The following AFG2A variants were observed in gnomAD, a reference collection of about 807,000 sequenced individuals.
The protein encoded by AFG2A is AAA ATPase AFG2A.
At chr4:123,128,436 T>C in the AFG2A span, among the ~76,000 whole-genome samples, 1 of 152,168 alleles carries the variant, frequency 6.6e-6, no homozygotes, top group Non-Finnish European at 1.5e-5. Flanking sequence ...AGGCTTTTGG[T>C]AATTCTCTAC....
At chr4:123,256,763 C>G in the AFG2A span, 1 of 985,290 alleles carries the variant, frequency 1.0e-6, no homozygotes, top group South Asian at 4.7e-5. Flanking sequence ...ACAGCAAGAC[C>G]TCTGTGAAAA....
chr4:123,075,684 A>G, the AFG2A span, among the ~76,000 whole-genome samples: 3 of 150,080 alleles, frequency 2.0e-5, no homozygotes, highest in African/African-American at 7.3e-5. Context: ...CTGGCCGGGC[A>G]TGGTGGCTCA....
the AFG2A span, among the ~76,000 whole-genome samples, chr4:123,025,664 G>A: frequency 6.6e-6 from 1 of 152,066 alleles, no homozygotes. Flanking sequence ...TGTCGGTTTT[G>A]TAGACCTTTG....
the AFG2A span, among the ~76,000 whole-genome samples, chr4:123,248,183 T>G: frequency 6.6e-6 from 1 of 152,198 alleles, no homozygotes; most frequent in Non-Finnish European, 1.5e-5. Context: ...TGTTTTCTGA[T>G]GCCTGTTCAG....
chr4:123,056,097 C>G, the AFG2A span, among the ~76,000 whole-genome samples: 1 of 152,242 alleles, frequency 6.6e-6, no homozygotes, highest in Admixed American at 6.5e-5. Context: ...AGCACCACAT[C>G]TGATATAGTG....
chr4:123,175,251 G>A, the AFG2A span, among the ~76,000 whole-genome samples: 1 of 152,108 alleles, frequency 6.6e-6, no homozygotes, highest in Non-Finnish European at 1.5e-5. Flanking sequence ...GATATCTGCA[G>A]TGTCATAAGC....
the AFG2A span, among the ~76,000 whole-genome samples, chr4:122,968,054 C>G: frequency 1.3e-5 from 2 of 151,912 alleles, no homozygotes; most frequent in Non-Finnish European, 2.9e-5. Context: ...CAGATAATTT[C>G]CATGTAACTT....
the AFG2A span, among the ~76,000 whole-genome samples, chr4:123,191,656 C>A: frequency 2.0e-5 from 3 of 151,988 alleles, no homozygotes; most frequent in Non-Finnish European, 4.4e-5. Flanking sequence ...CTGTCTTCAT[C>A]TTTCTCTCTC....
At chr4:123,117,377 A>T in the AFG2A span, among the ~76,000 whole-genome samples, 945 of 151,406 alleles carry the variant, frequency 6.2e-3, 10 homozygotes, top group African/African-American at 0.021. Context: ...GAAGTTAAGG[A>T]TTTACAAAAT....
At chr4:123,057,393 T>C in the AFG2A span, 2 of 1,255,936 alleles carry the variant, frequency 1.6e-6, no homozygotes, top group South Asian at 1.5e-5. Context: ...TATCTATTAA[T>C]ACATTTGGCC....
the AFG2A span, among the ~76,000 whole-genome samples, chr4:123,053,015 G>A: frequency 1.3e-5 from 2 of 152,136 alleles, no homozygotes; most frequent in African/African-American, 2.4e-5. Flanking sequence ...TCAGCAAGCC[G>A]GCTTATTTCA....
the AFG2A span, among the ~76,000 whole-genome samples, chr4:123,136,870 A>G: frequency 0.022 from 3,271 of 151,920 alleles, 67 homozygotes; most frequent in Non-Finnish European, 0.035. Flanking sequence ...AAAAAAGAGA[A>G]TGTAGTCTGT....
At chr4:123,013,761 G>A in the AFG2A span, among the ~76,000 whole-genome samples, 4 of 152,068 alleles carry the variant, frequency 2.6e-5, no homozygotes, top group Non-Finnish European at 5.9e-5. Context: ...TACCCCTTCT[G>A]TTGTTTTACT....
chr4:123,250,710 G>A, the AFG2A span, among the ~76,000 whole-genome samples: 1 of 152,162 alleles, frequency 6.6e-6, no homozygotes, highest in African/African-American at 2.4e-5. Flanking sequence ...TCTATGATTT[G>A]TGTTTTTTAA....
the AFG2A span, among the ~76,000 whole-genome samples, chr4:122,944,383 A>G: frequency 6.6e-6 from 1 of 151,932 alleles, no homozygotes; most frequent in African/African-American, 2.4e-5. Context: ...CATTTCATTC[A>G]TGTCATCTTC....
the AFG2A span, among the ~76,000 whole-genome samples, chr4:123,150,843 A>T: frequency 2.0e-5 from 3 of 152,232 alleles, 1 homozygote; most frequent in South Asian, 6.2e-4. Flanking sequence ...AAAGCTGGAG[A>T]CGTCACACTA....
At chr4:123,225,465 G>A in the AFG2A span, among the ~76,000 whole-genome samples, 1 of 152,148 alleles carries the variant, frequency 6.6e-6, no homozygotes, top group South Asian at 2.1e-4. Flanking sequence ...TATTAACTAA[G>A]GAATCCTTTC....
chr4:123,115,848 A>G, the AFG2A span, among the ~76,000 whole-genome samples: 2 of 152,206 alleles, frequency 1.3e-5, no homozygotes, highest in Admixed American at 6.5e-5. Context: ...ACATGGATGT[A>G]TAGATATACA....
chr4:122,985,736 C>G, the AFG2A span, among the ~76,000 whole-genome samples: 1 of 148,556 alleles, frequency 6.7e-6, no homozygotes, highest in Non-Finnish European at 1.5e-5. Flanking sequence ...CTTTTTGTTT[C>G]ATTTATCTTT....
Sources: allele counts gnomAD v4.1 joint callset (sites outside exome capture counted in the v4.1 genomes callset), GRCh38; gene constraint gnomAD v4.1.1; transcripts MANE v1.5; gene names NCBI Gene and HGNC (gene_info 2026-07-23, HGNC 2026-07-21).